SYNJ1: variants seen among roughly 807,000 people sequenced by gnomAD.
SYNJ1 encodes the protein polyphosphatidylinositol phosphatase SYNJ1.
A neutral mutation model predicts 168.2 loss-of-function variants in SYNJ1; 78 were observed. The ratio of observed to expected loss-of-function variants is 0.46; its 90% CI spans 0.39 to 0.56. SYNJ1 has a LOEUF of 0.56. Ranked by LOEUF, SYNJ1 falls within the 20% of genes least tolerant of loss-of-function variation. The pLI is 0.00. For synonymous variants in SYNJ1, 539 were observed against 548.6 expected (o/e 0.98, Z 0.24); for missense variants, 1,303 against 1,597.6 (o/e 0.82, Z 3.14).
chr21:32,695,016 C>T (rs769992005), intron 5 of SYNJ1, 41 bp downstream of exon 5: 4 of 1,537,008 alleles, frequency 2.6e-6, no homozygotes, highest in Non-Finnish European at 3.6e-6. Flanking sequence ...TGTGCTTCTC[C>T]TATAATAAAT....
At chr21:32,680,006 G>A (rs1026715008) in intron 11 of SYNJ1, among the ~76,000 whole-genome samples, 1 of 152,026 alleles carries the variant, frequency 6.6e-6, no homozygotes, top group Non-Finnish European at 1.5e-5. Context: ...TGTAGTCACT[G>A]CAGAAATGAA....
intron 11 of SYNJ1, 80 bp downstream of exon 11, chr21:32,681,416 C>T (rs1372962281): frequency 6.9e-7 from 1 of 1,452,442 alleles, no homozygotes; most frequent in East Asian, 2.3e-5. Flanking sequence ...CATCTATTAA[C>T]TTTTAAAAGG....
intron 3 of SYNJ1, 108 bp from the exon 4 acceptor site, chr21:32,700,213 C>T: frequency 7.7e-7 from 1 of 1,294,720 alleles, no homozygotes; most frequent in Non-Finnish European, 1.0e-6. Context: ...TTATTTTAAA[C>T]TTATCATGGA....
chr21:32,670,473 T>C, intron 14 of SYNJ1, 101 bp from the exon 15 acceptor site: 1 of 902,418 alleles, frequency 1.1e-6, no homozygotes, highest in Non-Finnish European at 1.7e-6. Context: ...GACTGATTTC[T>C]GTGTTTTGAG....
At chr21:32,688,566 C>T (rs1393191172) in intron 6 of SYNJ1, among the ~76,000 whole-genome samples, 199 bp from the exon 7 acceptor site, 6 of 152,000 alleles carry the variant, frequency 3.9e-5, no homozygotes, top group Non-Finnish European at 8.8e-5. Context: ...AAAAAACCAA[C>T]CTCATCAAAA....
intron 3 of SYNJ1, 120 bp downstream of exon 3, chr21:32,701,841 T>G: frequency 1.5e-6 from 1 of 672,934 alleles, no homozygotes; most frequent in Non-Finnish European, 2.3e-6. Context: ...TAAAAGATGT[T>G]AGCACATGTG....
chr21:32,672,816 C>T (rs2145977596), intron 14 of SYNJ1, among the ~76,000 whole-genome samples: 1 of 152,252 alleles, frequency 6.6e-6, no homozygotes, highest in South Asian at 2.1e-4. Flanking sequence ...GCTCAAGACC[C>T]ACTCTGACAT....
chr21:32,684,608 C>A (rs2041751950), intron 9 of SYNJ1, among the ~76,000 whole-genome samples: 1 of 152,182 alleles, frequency 6.6e-6, no homozygotes, highest in African/African-American at 2.4e-5. Flanking sequence ...TTACTTTTCT[C>A]CTCTATTTCA....
intron 21 of SYNJ1, among the ~76,000 whole-genome samples, chr21:32,655,557 T>C (rs1387412928): frequency 6.6e-6 from 1 of 152,164 alleles, no homozygotes; most frequent in African/African-American, 2.4e-5. Flanking sequence ...TTCTGTGGAC[T>C]ACGCCCTTTA....
chr21:32,670,519 AGTGG>A, intron 14 of SYNJ1, 147 bp from the exon 15 acceptor site: 7 of 674,496 alleles, frequency 1.0e-5, no homozygotes, highest in Non-Finnish European at 1.4e-5. Context: ...AACACTCTTG[AGTGG>A]AATGAAATTA....
At chr21:32,685,023 CA>C (rs963349159) in intron 9 of SYNJ1, among the ~76,000 whole-genome samples, 11 of 143,676 alleles carry the variant, frequency 7.7e-5, no homozygotes, top group East Asian at 2.1e-4. Flanking sequence ...ACTAAAAATA[CA>C]AAAAAAAAAC....
chr21:32,709,229 T>C (rs1666306583), intron 2 of SYNJ1, among the ~76,000 whole-genome samples: 1 of 152,126 alleles, frequency 6.6e-6, no homozygotes, highest in Non-Finnish European at 1.5e-5. Context: ...CTCACACCTA[T>C]AATCCCAGCA....
chr21:32,656,631 A>G, intron 21 of SYNJ1, 56 bp downstream of exon 21: 1 of 1,448,860 alleles, frequency 6.9e-7, no homozygotes, highest in Non-Finnish European at 9.4e-7. Flanking sequence ...GGTGATTTCT[A>G]TATAGAAATG....
intron 23 of SYNJ1, among the ~76,000 whole-genome samples, chr21:32,649,572 CT>C (rs1351307838): frequency 2.6e-5 from 4 of 152,156 alleles, no homozygotes; most frequent in African/African-American, 9.7e-5. Flanking sequence ...GGAACTTCTA[CT>C]TTTTTACCTC....
chr21:32,638,997 G>A lies in SYNJ1; in HGVS notation c.3826C>T (p.Pro1276Ser). 6.2e-7 allele frequency: 1 copy of A among 1,614,044 alleles called. No homozygotes were observed. Among genetic ancestry groups the A allele is most frequent in the Non-Finnish European group, 8.5e-7 (1 of 1,179,970 alleles). ...GGTGGGGTTTCCAAATTTGGCTGGGGGCCAGACTGAGGCATAGGTGCTGCC... is the reference window on the plus strand; with the variant it reads ...GGTGGGGTTTCCAAATTTGGCTGGGAGCCAGACTGAGGCATAGGTGCTGCC... ...PVAAPMPQSG[P>S]QPNLETPPQP... is the part of the protein sequence containing the mutation. The change falls in exon 31 of 33, where the codon CCC (proline) becomes TCC (serine). Residue 1276 changes from proline to serine, a missense_variant. Pro to Ser is a moderately conservative substitution (Grantham distance 74, BLOSUM62 -1). This residue lies in a region of SYNJ1 where 383 missense variants were observed against 388.8 expected (regional missense o/e 0.99). Coordinates refer to ENST00000674351, the MANE Select transcript of SYNJ1 (RefSeq NM_203446.3).
At chr21:32,686,679 C>T (rs2041847789) in intron 8 of SYNJ1, among the ~76,000 whole-genome samples, 1 of 152,236 alleles carries the variant, frequency 6.6e-6, no homozygotes, top group Non-Finnish European at 1.5e-5. Flanking sequence ...TATTTCTCTA[C>T]TAGTGACAGA....
intron 31 of SYNJ1, 33 bp downstream of exon 31, chr21:32,638,875 A>G (rs1423780153): frequency 1.3e-6 from 2 of 1,553,212 alleles, no homozygotes; most frequent in Non-Finnish European, 1.7e-6. Context: ...ATATGCATCA[A>G]AGATAATATT....
In SYNJ1 at chr21:32,666,452, G is replaced by A; in HGVS notation, c.1933C>T (p.Gln645Ter). 1 of 1,614,070 alleles carries A rather than the reference G, an allele frequency of 6.2e-7. No homozygotes were observed. The highest frequency in any genetic ancestry group is 8.5e-7 in the Non-Finnish European group (1 of 1,179,974). Reference protein sequence around the residue: ...GVCLFVFIRPQHAPFIRDVAV... With the variant: ...GVCLFVFIRP The stretch of plus-strand genomic sequence containing the variant: ...ACTGACCTGATAAAAGGAGCATGCT[G>A]TGGTCTGATAAAAACAAACAAACAG... Residue 645 changes from glutamine (Q) to a stop codon, truncating the protein, a stop_gained, in exon 16 of 33, where the codon CAG (glutamine) becomes TAG (stop). Transcript: ENST00000674351. LOFTEE classifies it high-confidence loss of function.
At position 32,701,961 on chromosome 21, in the gene SYNJ1, C is replaced by G. The variant is rs1569113660; in HGVS notation, c.211G>C (p.Gly71Arg). ...GLLGVLRLNLGDTMLHYLVLV... is the reference protein window; with the variant it reads ...GLLGVLRLNLRDTMLHYLVLV... ...GAATTCTACTGAATGATAAACTTAC[C>G]AAGATTTAACCGCAGAACACCTAAG... Residue 71 changes from glycine to arginine, a missense_variant and splice_region_variant, in exon 3 of 33, where the codon GGT (glycine) becomes CGT (arginine). Coordinates refer to ENST00000674351, the MANE Select transcript of SYNJ1 (RefSeq NM_203446.3). 4 of 1,527,194 alleles carry G rather than the reference C, an allele frequency of 2.6e-6. No individual in the cohort carries two copies. In the African/African-American group the frequency reaches 4.1e-5, roughly 16 times the overall value. 94.6% of individuals were successfully genotyped at this position (1,527,194 alleles called of 1,614,324 possible). A position where few individuals can be genotyped will look rare whatever the true frequency, so the allele number is the denominator to read the frequency against.
Sources: allele counts gnomAD v4.1 joint callset (sites outside exome capture counted in the v4.1 genomes callset), GRCh38; gene constraint gnomAD v4.1.1; regional missense constraint gnomAD v4.1.1; transcripts MANE v1.5; gene names NCBI Gene and HGNC (gene_info 2026-07-23, HGNC 2026-07-21).